FBXO40: variants seen among roughly 807,000 people sequenced by gnomAD.
The protein encoded by FBXO40 is F-box only protein 40.
FBXO40 carries 50 observed loss-of-function variants against 49.9 expected under a neutral mutation model. That is an observed-to-expected ratio of 1.00 (90% CI 0.80 to 1.27). FBXO40 has a LOEUF of 1.27. Ranked by LOEUF, FBXO40 falls within the 50% of genes most tolerant of loss-of-function variation. The pLI, the probability that FBXO40 is intolerant of heterozygous loss-of-function variation, is 0.00. For synonymous variants in FBXO40, 340 were observed against 320.2 expected, an observed-to-expected ratio of 1.06 and a Z score of -0.66; for missense variants, 895 against 870.1, an observed-to-expected ratio of 1.03 and a Z score of -0.36.
chr3:121,615,628 A>T (rs1428963086), intron 1 of FBXO40, among the ~76,000 whole-genome samples: 2 of 152,188 alleles, frequency 1.3e-5, no homozygotes, highest in Non-Finnish European at 2.9e-5. Flanking sequence ...GAGCTAAATT[A>T]AACTTGAAAT....
intron 3 of FBXO40, 25 bp from the exon 4 acceptor site, chr3:121,626,670 T>C: frequency 6.2e-7 from 1 of 1,611,204 alleles, no homozygotes; most frequent in South Asian, 1.1e-5. Context: ...TATATTCACC[T>C]TTGAACTTCT....
At position 121,627,693 on chromosome 3, in the gene FBXO40, A is replaced by AGT; in HGVS notation, c.*784_*785insTG. ...TTTGTAACATTTTAATAATGACTTA[A>AGT]GGGTCAAGATTTTTTTCTTCTGAAA... On this transcript the variant is annotated 3_prime_UTR_variant, in exon 4 of 4. Coordinates refer to ENST00000338040, the MANE Select transcript of FBXO40 (RefSeq NM_016298.4). 2.5e-6 allele frequency: 1 copy of AGT among 395,108 alleles called. No individual in the cohort carries two copies. Among genetic ancestry groups the AGT allele is most frequent in the Non-Finnish European group, 4.4e-6 (1 of 224,804 alleles). 24.5% of individuals were successfully genotyped at this position (395,108 alleles called of 1,614,324 possible). A position where few individuals can be genotyped will look rare whatever the true frequency, so the allele number is the denominator to read the frequency against.
rs375077141 is a variant in FBXO40 at position 121,620,549 on chromosome 3, T to A, written c.-27T>A. 4 of 1,613,932 alleles carry A rather than the reference T, an allele frequency of 2.5e-6. No individual in the cohort carries two copies. Among genetic ancestry groups the A allele is most frequent in the Middle Eastern group, 1.6e-4 (1 of 6,082 alleles). On this transcript the variant is annotated 5_prime_UTR_variant, in exon 2 of 4. Transcript: ENST00000338040. ...TTATATTCATATTTTCCCGTAGAGC[T>A]AAGAAGCAAGAAGAAATTGGGGCGC...
chr3:121,612,954 C>T (rs1315469132), intron 1 of FBXO40, among the ~76,000 whole-genome samples: 6 of 151,748 alleles, frequency 4.0e-5, no homozygotes, highest in Admixed American at 3.9e-4. Flanking sequence ...CCTGCAGTCC[C>T]AGCTACTCGG....
chr3:121,605,849 C>T (rs1207328427), intron 1 of FBXO40, among the ~76,000 whole-genome samples: 1 of 152,158 alleles, frequency 6.6e-6, no homozygotes, highest in East Asian at 1.9e-4. Flanking sequence ...TAAGCATGTC[C>T]CTGTGTGGGG....
intron 1 of FBXO40, among the ~76,000 whole-genome samples, chr3:121,600,179 T>C (rs1167131304): frequency 6.7e-6 from 1 of 148,736 alleles, no homozygotes; most frequent in Non-Finnish European, 1.5e-5. Flanking sequence ...TACAGGCATG[T>C]GTCACACTTG....
chr3:121,615,262 C>T (rs1412309831), intron 1 of FBXO40, among the ~76,000 whole-genome samples: 3 of 146,422 alleles, frequency 2.0e-5, no homozygotes, highest in Non-Finnish European at 4.5e-5. Context: ...CAGACTAGGG[C>T]GTCCGCAGCA....
intron 1 of FBXO40, among the ~76,000 whole-genome samples, chr3:121,599,682 A>G (rs1354087817): frequency 1.3e-3 from 105 of 78,794 alleles, no homozygotes; most frequent in African/African-American, 4.3e-3. Context: ...ATGCACACAC[A>G]CACACACACA....
Position 121,622,471 on chromosome 3 carries a change from T to C in FBXO40, c.1042T>C (p.Tyr348His), listed in dbSNP as rs1427474081. ...GGAGGCTCAGGAAGTTAAGACTGTT[T>C]ACACCTTCAAAGTTCCTGTGAGCTA... Reference protein sequence around the residue: ...KLEAQEVKTVYTFKVPVSYCG... With the variant: ...KLEAQEVKTVHTFKVPVSYCG... Residue 348 changes from tyrosine to histidine, a missense_variant, in exon 3 of 4, where the codon TAC (tyrosine) becomes CAC (histidine). Transcript: ENST00000338040. The C allele has an allele frequency of 6.8e-6, 11 of 1,614,126 alleles. No homozygotes were observed. In the Admixed American group the frequency reaches 1.8e-4, roughly 27 times the overall value.
rs1196689436 is a variant in FBXO40 at position 121,626,731 on chromosome 3, A to G, written c.1951A>G (p.Ser651Gly). Residue 651 changes from serine (S) to glycine (G), a missense_variant, in exon 4 of 4, where the codon AGC becomes GGC. Physicochemically the swap from Ser to Gly is moderately conservative, Grantham distance 56. Coordinates refer to ENST00000338040, the MANE Select transcript of FBXO40 (RefSeq NM_016298.4). The stretch of plus-strand genomic sequence containing the variant: ...CAGCAGCCTCTTCTCCAAAATCAAG[A>G]GCTGGGAGTTTAATGAAGTCACCTC... ...QFSSLFSKIK[S>G]WEFNEVTSMS... 1.9e-6 allele frequency: 3 copies of G among 1,614,148 alleles called. No individual in the cohort carries two copies. Among genetic ancestry groups the G allele is most frequent in the African/African-American group, 2.7e-5 (2 of 75,034 alleles).
chr3:121,611,146 T>G (rs561900361), intron 1 of FBXO40, among the ~76,000 whole-genome samples: 1 of 152,162 alleles, frequency 6.6e-6, no homozygotes, highest in Admixed American at 6.5e-5. Flanking sequence ...GTATTTCTAG[T>G]CGGGTGGGAC....
rs2049070940 is a variant in FBXO40 at position 121,627,849 on chromosome 3, C to A, written c.*939C>A. Reference sequence around the variant, plus strand: ...CACAGGGCAGCCCAGGGAGATCACACCTTTGGCAAAGTCCAGACAAGGCCC... The same window carrying A: ...CACAGGGCAGCCCAGGGAGATCACAACTTTGGCAAAGTCCAGACAAGGCCC... On this transcript the variant is annotated 3_prime_UTR_variant, in exon 4 of 4. Coordinates refer to ENST00000338040, the MANE Select transcript of FBXO40 (RefSeq NM_016298.4). 1 of 398,744 alleles carries A rather than the reference C, an allele frequency of 2.5e-6. No homozygotes were observed. Among genetic ancestry groups the A allele is most frequent in the Non-Finnish European group, 4.4e-6 (1 of 226,174 alleles). 24.7% of individuals were successfully genotyped at this position (398,744 alleles called of 1,614,324 possible). A position where few individuals can be genotyped will look rare whatever the true frequency, so the allele number is the denominator to read the frequency against.
At chr3:121,609,715 G>A (rs2048954320) in intron 1 of FBXO40, among the ~76,000 whole-genome samples, 1 of 152,180 alleles carries the variant, frequency 6.6e-6, no homozygotes, top group Non-Finnish European at 1.5e-5. Context: ...TTCCTCCCCA[G>A]TAAGGGGTAG....
intron 1 of FBXO40, among the ~76,000 whole-genome samples, chr3:121,610,219 A>G (rs1390342572): frequency 1.3e-5 from 2 of 152,172 alleles, no homozygotes; most frequent in Non-Finnish European, 2.9e-5. Flanking sequence ...CTGGCTCTGA[A>G]GGGGTGGAGA....
Position 121,622,353 on chromosome 3 carries a change from C to A in FBXO40, c.924C>A (p.Asn308Lys). The A allele has an allele frequency of 1.2e-6, 2 of 1,614,210 alleles. No homozygotes were observed. Among genetic ancestry groups the A allele is most frequent in the Non-Finnish European group, 1.7e-6 (2 of 1,180,040 alleles). ...CAGCTGTGGATGCAAAGGACTATAA[C>A]ATGTATCTAGTGCACAATGGGCGGA... The part of the protein sequence containing the change: ...LKTAVDAKDY[N>K]MYLVHNGRML... Residue 308 changes from asparagine (N) to lysine (K), a missense_variant, in exon 3 of 4, where the codon AAC (asparagine) becomes AAA (lysine). Physicochemically the swap from Asn to Lys is moderately conservative, Grantham distance 94. Coordinates refer to ENST00000338040, the MANE Select transcript of FBXO40 (RefSeq NM_016298.4).
chr3:121,626,735 G>A lies in FBXO40; in HGVS notation c.1955G>A (p.Trp652Ter), dbSNP rs149561440. The change falls in exon 4 of 4, where the codon TGG becomes TAG. Residue 652 changes from tryptophan to a stop codon, truncating the protein, a stop_gained. Transcript: ENST00000338040. LOFTEE classifies it high-confidence loss of function. ...FSSLFSKIKS[W>*]EFNEVTSMSE... ...AGCCTCTTCTCCAAAATCAAGAGCT[G>A]GGAGTTTAATGAAGTCACCTCCATG... The A allele has an allele frequency of 3.2e-5, 51 of 1,614,012 alleles. No homozygotes were observed. In the African/African-American group the frequency reaches 6.7e-4, roughly 21 times the overall value.
intron 3 of FBXO40, among the ~76,000 whole-genome samples, chr3:121,624,209 C>G (rs958943638): frequency 6.6e-6 from 1 of 151,776 alleles, no homozygotes; most frequent in Non-Finnish European, 1.5e-5. Context: ...AGGCTGGTCT[C>G]GAACTCCCAA....
chr3:121,608,057 G>A (rs1321172603), intron 1 of FBXO40, among the ~76,000 whole-genome samples: 2 of 152,220 alleles, frequency 1.3e-5, no homozygotes, highest in African/African-American at 4.8e-5. Flanking sequence ...GAGTACACTG[G>A]CTCGGCTATG....
At chr3:121,601,176 C>G (rs1479499785) in intron 1 of FBXO40, among the ~76,000 whole-genome samples, 1 of 152,124 alleles carries the variant, frequency 6.6e-6, no homozygotes, top group Non-Finnish European at 1.5e-5. Context: ...ATCGAGAGTT[C>G]CAGATTGACC....
Sources: allele counts gnomAD v4.1 joint callset (sites outside exome capture counted in the v4.1 genomes callset), GRCh38; gene constraint gnomAD v4.1.1; transcripts MANE v1.5; gene names NCBI Gene and HGNC (gene_info 2026-07-23, HGNC 2026-07-21).